The following TBCD variants were observed in gnomAD, a reference collection of about 807,000 sequenced individuals.
The protein encoded by TBCD is tubulin folding cofactor D.
A neutral mutation model predicts 169.3 loss-of-function variants in TBCD; 105 were observed. That is an observed-to-expected ratio of 0.62 (90% CI 0.53 to 0.73). The LOEUF is 0.73. Ranked by LOEUF, TBCD falls within the 30% of genes least tolerant of loss-of-function variation. The probability of loss-of-function intolerance (pLI) is 0.00; values close to 1 mark genes in which losing one functional copy is unlikely to be tolerated. For missense variants in TBCD, 1,444 were observed against 1,600.1 expected, an observed-to-expected ratio of 0.90 and a Z score of 1.66; for synonymous variants, 700 against 643.9, an observed-to-expected ratio of 1.09 and a Z score of -1.32.
In TBCD at chr17:82,922,138, A is replaced by T. The variant is rs1001434813; in HGVS notation, c.2178+561A>T. Among the ~76,000 whole-genome samples, 8 of 152,174 alleles carry T rather than the reference A, an allele frequency of 5.3e-5. No individual in the cohort carries two copies. The highest frequency in any genetic ancestry group is 1.7e-4 in the African/African-American group (7 of 41,440). ...ATGGGCCCGGCGCAGTGGCGGGTGG[A>T]TCACTTGAGGTCAGGAGTTCGAGGC... On this transcript the variant is annotated intron_variant, in intron 25 of 38. Coordinates refer to ENST00000355528, the MANE Select transcript of TBCD (RefSeq NM_005993.5). The surrounding 1 kb of genome is among the most constrained non-coding windows in gnomAD (Gnocchi z 4.1).
At chr17:82,898,815 A>T (rs1426988103) in intron 17 of TBCD, among the ~76,000 whole-genome samples, 1 of 152,232 alleles carries the variant, frequency 6.6e-6, no homozygotes, top group Non-Finnish European at 1.5e-5. Context: ...TTTTCACAAG[A>T]TGTAACTTTT....
chr17:82,783,890 C>T (rs752625886), intron 7 of TBCD, among the ~76,000 whole-genome samples: 45 of 152,060 alleles, frequency 3.0e-4, no homozygotes, highest in Non-Finnish European at 4.7e-4. Context: ...TTTGGGAGGC[C>T]GAGGCAGGCA....
At chr17:82,762,189 G>C (rs1249781052) in intron 2 of TBCD, among the ~76,000 whole-genome samples, 1 of 151,244 alleles carries the variant, frequency 6.6e-6, no homozygotes, top group South Asian at 2.1e-4. Flanking sequence ...GGCGGTGTGC[G>C]CATGTAGTCC....
intron 7 of TBCD, among the ~76,000 whole-genome samples, chr17:82,793,005 C>T (rs879931048): frequency 2.6e-5 from 4 of 152,158 alleles, no homozygotes; most frequent in Non-Finnish European, 4.4e-5. Flanking sequence ...TCAAGTAACC[C>T]TCCTGCCTTG....
At chr17:82,820,280 CTG>C (rs1472686750) in intron 13 of TBCD, among the ~76,000 whole-genome samples, 2 of 152,202 alleles carry the variant, frequency 1.3e-5, no homozygotes, top group African/African-American at 4.8e-5. Context: ...GCCCAGCCAA[CTG>C]TACTATTTTG....
In TBCD at chr17:82,856,962, G is replaced by A. The variant is rs575666300; in HGVS notation, c.1319-13262G>A. Among the ~76,000 whole-genome samples the A allele has an allele frequency of 1.1e-3, 158 of 146,674 alleles. 1 individual carries two copies. Among genetic ancestry groups the A allele is most frequent in the African/African-American group, 3.7e-3 (147 of 39,250 alleles). ...AGGGCGGGATCGCTGGACCGCGTGC[G>A]GACCCTCGGTGCGCATCCAGGGCGG... On this transcript the variant is annotated intron_variant, in intron 13 of 38. Transcript: ENST00000355528.
At chr17:82,795,912 G>C (rs2050070873) in intron 7 of TBCD, 1 of 152,302 alleles carries the variant, frequency 6.6e-6, no homozygotes, top group African/African-American at 2.4e-5. Context: ...AGGCCGCCAG[G>C]CTTCTGACCT....
intron 13 of TBCD, 88 bp downstream of exon 13, chr17:82,815,022 A>G: frequency 6.3e-7 from 1 of 1,576,136 alleles, no homozygotes; most frequent in Non-Finnish European, 8.6e-7. Flanking sequence ...CGACTCGTGG[A>G]TGGTGAGTAG....
In TBCD at chr17:82,908,491, C is replaced by T. The variant is rs58579286; in HGVS notation, c.1983+670C>T. 1.8e-3 allele frequency: 719 copies of T among 401,778 alleles called. 2 individuals are homozygous for T. Among genetic ancestry groups the T allele is most frequent in the African/African-American group, 0.013 (626 of 47,948 alleles). The allele number at this position is 401,778 out of a possible 1,614,324, so 24.9% of individuals were successfully genotyped here. A position where few individuals can be genotyped will look rare whatever the true frequency, so the allele number is the denominator to read the frequency against. On this transcript the variant is annotated intron_variant, in intron 21 of 38. Coordinates refer to ENST00000355528, the MANE Select transcript of TBCD (RefSeq NM_005993.5). ...TACAGGAGAATATAAAAATTGTTCA[C>T]GAGGGATTACGTGGTTTACTTGTCT...
At chr17:82,899,410 C>T (rs1021782952) in intron 17 of TBCD, among the ~76,000 whole-genome samples, 13 of 147,294 alleles carry the variant, frequency 8.8e-5, no homozygotes, top group African/African-American at 3.3e-4. Flanking sequence ...AGCTGCTTTT[C>T]GTTGGTGAGT....
intron 27 of TBCD, among the ~76,000 whole-genome samples, chr17:82,925,907 C>T (rs966285569): frequency 1.7e-4 from 26 of 150,336 alleles, no homozygotes; most frequent in Non-Finnish European, 1.9e-4. Context: ...GGGGGCTGGC[C>T]GTGGAGAGGC....
chr17:82,758,257 A>G (rs1598375984), intron 2 of TBCD, among the ~76,000 whole-genome samples: 1 of 151,324 alleles, frequency 6.6e-6, no homozygotes, highest in South Asian at 2.1e-4. Flanking sequence ...CGTGTGGTGC[A>G]CGCCTGTAAT....
intron 37 of TBCD, among the ~76,000 whole-genome samples, chr17:82,940,225 A>G (rs988044154): frequency 6.4e-4 from 89 of 140,140 alleles, no homozygotes; most frequent in African/African-American, 1.0e-3. Context: ...ACGCGCGCAC[A>G]CACACACACA....
Position 82,840,953 on chromosome 17 carries a change from G to GTTTTTTTTTTTTTTTTTTTTTT in TBCD, c.1318+26019_1318+26020insTTTTTTTTTTTTTTTTTTTTTT, listed in dbSNP as rs755302623. 5.1e-4 allele frequency among the ~76,000 whole-genome samples: 36 copies of GTTTTTTTTTTTTTTTTTTTTTT among 70,554 alleles called. 17 individuals are homozygous for GTTTTTTTTTTTTTTTTTTTTTT. The highest frequency in any genetic ancestry group is 1.4e-3 in the African/African-American group (26 of 17,982). 46.3% of individuals were successfully genotyped at this position (70,554 alleles called of 152,430 possible). Reference sequence around the variant, plus strand: ...ACGAGCTGGCCAGGACAGACAAACTGGTTTTTTTTTTTTTTTTTTTTTTTT... The same window carrying GTTTTTTTTTTTTTTTTTTTTTT: ...ACGAGCTGGCCAGGACAGACAAACTGTTTTTTTTTTTTTTTTTTTTTTGTTTTTTTTTTTTTTTTTTTTTTTT... On this transcript the variant is annotated intron_variant, in intron 13 of 38. Transcript: ENST00000355528.
At chr17:82,928,653 G>A (rs1160897496) in intron 30 of TBCD, among the ~76,000 whole-genome samples, 11 of 152,026 alleles carry the variant, frequency 7.2e-5, no homozygotes, top group South Asian at 2.1e-4. Context: ...AGGGACACTC[G>A]GCCGTGGGGA....
rs1187320267 is a variant in TBCD at position 82,782,153 on chromosome 17, GGCCTCT to G, written c.771+437_771+442del. ...ACTGCTTCGTTGGGACACAGACCCTGGCCTCTGCCTGCAGGTGCCTGGTTAGTGCCC... is the reference window on the plus strand; with the variant it reads ...ACTGCTTCGTTGGGACACAGACCCTGGCCTGCAGGTGCCTGGTTAGTGCCC... On this transcript the variant is annotated intron_variant, in intron 7 of 38. Transcript: ENST00000355528. This position sits in a 1 kb window ranked among gnomAD's most constrained non-coding sequence, Gnocchi z 5.1. 6.6e-6 allele frequency among the ~76,000 whole-genome samples: 1 copy of G among 152,252 alleles called. No homozygotes were observed. The highest frequency in any genetic ancestry group is 6.5e-5 in the Admixed American group (1 of 15,292).
At chr17:82,883,008 C>G (rs1460676898) in intron 14 of TBCD, among the ~76,000 whole-genome samples, 1 of 152,044 alleles carries the variant, frequency 6.6e-6, no homozygotes, top group Non-Finnish European at 1.5e-5. Context: ...CTTGCTCTCT[C>G]TGCAGTGGGA....
chr17:82,770,580 C>T (rs1200876266), intron 5 of TBCD, among the ~76,000 whole-genome samples: 4 of 141,934 alleles, frequency 2.8e-5, no homozygotes, highest in East Asian at 4.1e-4. Flanking sequence ...CCCTGGGCAA[C>T]AAGAGTGAAA....
intron 7 of TBCD, among the ~76,000 whole-genome samples, chr17:82,794,527 G>A (rs2049967446): frequency 6.6e-6 from 1 of 152,164 alleles, no homozygotes; most frequent in African/African-American, 2.4e-5. Context: ...CCATGAAAGT[G>A]GGCTGTGCCC....
Sources: allele counts gnomAD v4.1 joint callset (sites outside exome capture counted in the v4.1 genomes callset), GRCh38; gene constraint gnomAD v4.1.1; non-coding constraint Gnocchi (gnomAD v3.1); transcripts MANE v1.5; gene names NCBI Gene and HGNC (gene_info 2026-07-23, HGNC 2026-07-21).